Variants in FBXL13 observed in about 807,000 individuals in gnomAD.
FBXL13 encodes F-box and leucine-rich repeat protein 13.
In FBXL13, 67 loss-of-function variants were observed where a neutral mutation model predicts 83.6. The observed-to-expected ratio is 0.80, with a 90% CI of 0.66 to 0.98. The LOEUF is 0.98. Among genes scored for constraint, FBXL13 ranks in the 50% least tolerant of loss-of-function variants. FBXL13 has a pLI of 0.00. For missense variants in FBXL13, 822 were observed against 866.5 expected (o/e 0.95, Z 0.64); for synonymous variants, 272 against 299.5 (o/e 0.91, Z 0.95).
intron 11 of FBXL13, among the ~76,000 whole-genome samples, chr7:102,912,488 C>T (rs1814870524): frequency 6.6e-6 from 1 of 152,164 alleles, no homozygotes; most frequent in South Asian, 2.1e-4. Flanking sequence ...GCGCCATGCC[C>T]TATCCTCTGC....
intron 11 of FBXL13, among the ~76,000 whole-genome samples, chr7:102,909,011 A>C (rs1373948501): frequency 1.3e-5 from 2 of 152,230 alleles, no homozygotes; most frequent in African/African-American, 2.4e-5. Flanking sequence ...ACCCCAGGTG[A>C]GTCCTTAGGT....
At chr7:103,007,222 C>T (rs1217433392) in intron 6 of FBXL13, among the ~76,000 whole-genome samples, 2 of 151,844 alleles carry the variant, frequency 1.3e-5, no homozygotes, top group Non-Finnish European at 2.9e-5. Flanking sequence ...AAAATATAAA[C>T]CCACAGATCC....
At chr7:102,854,400 T>C (rs1049498890) in intron 17 of FBXL13, among the ~76,000 whole-genome samples, 9 of 152,064 alleles carry the variant, frequency 5.9e-5, no homozygotes, top group Middle Eastern at 3.2e-3. Context: ...AGGGATAGCA[T>C]TGGGAGATAT....
In FBXL13 at chr7:102,868,846, T is replaced by C. The variant is rs544579552; in HGVS notation, c.1635+8621A>G. Among the ~76,000 whole-genome samples, 5 of 152,300 alleles carry C rather than the reference T, an allele frequency of 3.3e-5. No individual in the cohort carries two copies. In the South Asian group the frequency reaches 8.3e-4, roughly 25 times the overall value. On this transcript the variant is annotated intron_variant, in intron 16 of 19. Transcript: ENST00000313221. ...CCATGTCCAGCTAATTTTTGTATTT[T>C]TAGTAGAGACGAGGTTTCGCCATGT...
At chr7:103,028,077 T>C (rs943790077) in intron 4 of FBXL13, among the ~76,000 whole-genome samples, 1 of 152,066 alleles carries the variant, frequency 6.6e-6, no homozygotes. Context: ...ATCAGGAGAG[T>C]TGCAAAAAAA....
intron 1 of FBXL13, among the ~76,000 whole-genome samples, chr7:103,066,354 T>G (rs985666735): frequency 6.6e-6 from 1 of 152,152 alleles, no homozygotes; most frequent in Admixed American, 6.5e-5. Context: ...CATCTTGTCC[T>G]AAGAAACCTT....
chr7:102,871,144 A>G (rs1268772574), intron 16 of FBXL13, among the ~76,000 whole-genome samples: 1 of 151,934 alleles, frequency 6.6e-6, no homozygotes, highest in Admixed American at 6.6e-5. Context: ...ATTTCTCCTC[A>G]TGCCCCTATG....
At chr7:102,828,093 A>G (rs1800054934) in intron 18 of FBXL13, among the ~76,000 whole-genome samples, 1 of 152,206 alleles carries the variant, frequency 6.6e-6, no homozygotes, top group Non-Finnish European at 1.5e-5. Context: ...TATGAACTTT[A>G]AAGTAGTTAT....
chr7:102,976,331 T>C (rs1217757899), intron 6 of FBXL13: 5 of 626,086 alleles, frequency 8.0e-6, no homozygotes, highest in East Asian at 2.6e-5. Flanking sequence ...ATTGTGGAAA[T>C]TGATGAACAA....
intron 1 of FBXL13, among the ~76,000 whole-genome samples, chr7:103,059,376 A>G (rs1363724053): frequency 6.6e-6 from 1 of 152,244 alleles, no homozygotes; most frequent in Non-Finnish European, 1.5e-5. Flanking sequence ...TGAACAGCGC[A>G]TAGCTACATG....
At chr7:103,062,501 C>G (rs1798019255) in intron 1 of FBXL13, among the ~76,000 whole-genome samples, 1 of 151,810 alleles carries the variant, frequency 6.6e-6, no homozygotes, top group Admixed American at 6.6e-5. Context: ...AAGAGTATCT[C>G]AGAGTTCTGA....
At chr7:102,882,059 G>C (rs1810168862) in intron 14 of FBXL13, among the ~76,000 whole-genome samples, 1 of 152,146 alleles carries the variant, frequency 6.6e-6, no homozygotes. Context: ...CCAGGACTTT[G>C]AGACCTGCCT....
At chr7:102,827,786 T>A (rs539024620) in intron 18 of FBXL13, among the ~76,000 whole-genome samples, 9 of 152,258 alleles carry the variant, frequency 5.9e-5, no homozygotes, top group African/African-American at 1.9e-4. Context: ...GTTTGGTTTT[T>A]TGTCCTTGCG....
At chr7:103,058,781 A>G (rs1390314036) in intron 1 of FBXL13, among the ~76,000 whole-genome samples, 1 of 152,188 alleles carries the variant, frequency 6.6e-6, no homozygotes, top group Non-Finnish European at 1.5e-5. Flanking sequence ...CATTTTTAAG[A>G]AAGTTGAGAT....
rs5886241 is a variant in FBXL13 at position 103,057,414 on chromosome 7, T to TGG, written c.-104-1669_-104-1668dup. Among the ~76,000 whole-genome samples, 432 of 150,934 alleles carry TGG rather than the reference T, an allele frequency of 2.9e-3. 2 individuals carry two copies. Among genetic ancestry groups the TGG allele is most frequent in the African/African-American group, 6.0e-3 (245 of 41,164 alleles). Reference sequence around the variant, plus strand: ...TAAAGTATGAGAAACTCATTGGGGTTGGGGGGGGTTGTTTTGTTCTGTTGT... The same window carrying TGG: ...TAAAGTATGAGAAACTCATTGGGGTTGGGGGGGGGGTTGTTTTGTTCTGTTGT... On this transcript the variant is annotated intron_variant, in intron 1 of 19. Coordinates refer to ENST00000313221, the Ensembl canonical transcript of FBXL13.
intron 8 of FBXL13, chr7:102,934,576 C>G (rs1187337849): frequency 6.2e-7 from 1 of 1,613,996 alleles, no homozygotes; most frequent in South Asian, 1.1e-5. Context: ...AACAATTGGA[C>G]CCGAAACCCC....
At chr7:103,061,185 T>TG (rs1797868672) in intron 1 of FBXL13, among the ~76,000 whole-genome samples, 2 of 151,884 alleles carry the variant, frequency 1.3e-5, no homozygotes, top group South Asian at 2.1e-4. Context: ...GTTTTTTTTT[T>TG]TTGTTTTTTT....
At chr7:103,061,570 G>A (rs1165413484) in intron 1 of FBXL13, among the ~76,000 whole-genome samples, 1 of 152,022 alleles carries the variant, frequency 6.6e-6, no homozygotes, top group Non-Finnish European at 1.5e-5. Flanking sequence ...AATGGGCAGG[G>A]CAGTCCCTTG....
At chr7:102,894,879 TA>T (rs1167689795) in intron 11 of FBXL13, among the ~76,000 whole-genome samples, 1 of 152,194 alleles carries the variant, frequency 6.6e-6, no homozygotes, top group African/African-American at 2.4e-5. Flanking sequence ...TCTAGCAAGT[TA>T]CCAACTTCCC....
Sources: gnomAD v4.1 joint callset for allele counts (sites outside exome capture counted in the v4.1 genomes callset) on GRCh38, gnomAD v4.1.1 for gene constraint, MANE v1.5 for transcripts, NCBI Gene and HGNC (gene_info 2026-07-23, HGNC 2026-07-21) for gene names.